The following SLIT3 variants were observed in gnomAD, a reference collection of about 807,000 sequenced individuals.
The protein encoded by SLIT3 is slit homolog 3 protein.
In SLIT3, 68 loss-of-function variants were observed where a neutral mutation model predicts 184.0. That is an observed-to-expected ratio of 0.37 (90% CI 0.30 to 0.45). SLIT3 has a LOEUF of 0.45. Among genes scored for constraint, SLIT3 ranks in the 20% least tolerant of loss-of-function variants. The pLI is 1.00. For synonymous variants in SLIT3, 831 were observed against 828.6 expected (o/e 1.00, Z -0.05); for missense variants, 1,707 against 2,026.0 (o/e 0.84, Z 3.02).
intron 4 of SLIT3, among the ~76,000 whole-genome samples, chr5:168,982,433 C>T (rs1037435727): frequency 6.6e-6 from 1 of 152,126 alleles, no homozygotes; most frequent in Non-Finnish European, 1.5e-5. Flanking sequence ...CAGATGCACC[C>T]CCTTGACCTT....
At chr5:169,065,624 C>T (rs527873111) in intron 4 of SLIT3, among the ~76,000 whole-genome samples, 2 of 152,290 alleles carry the variant, frequency 1.3e-5, no homozygotes, top group South Asian at 4.1e-4. Flanking sequence ...ATGTGAAGGC[C>T]CTGTCACCCT....
chr5:168,955,375 C>A (rs561646448), intron 4 of SLIT3, among the ~76,000 whole-genome samples: 1 of 152,264 alleles, frequency 6.6e-6, no homozygotes, highest in African/African-American at 2.4e-5. Context: ...CTCTAGGTTG[C>A]GAATATTAAT....
chr5:168,933,039 C>T (rs1762043551), intron 4 of SLIT3, among the ~76,000 whole-genome samples: 1 of 152,094 alleles, frequency 6.6e-6, no homozygotes, highest in African/African-American at 2.4e-5. Context: ...CAGAGGTGAA[C>T]AATATTCACT....
intron 4 of SLIT3, among the ~76,000 whole-genome samples, chr5:168,925,684 G>T (rs1761797456): frequency 6.6e-6 from 1 of 152,062 alleles, no homozygotes; most frequent in African/African-American, 2.4e-5. Flanking sequence ...AAAAAAAGAG[G>T]GGGAGGTGTT....
chr5:169,284,721 T>C (rs1167769515), intron 1 of SLIT3, among the ~76,000 whole-genome samples: 1 of 152,204 alleles, frequency 6.6e-6, no homozygotes, highest in East Asian at 1.9e-4. Context: ...GAGTGGAGTA[T>C]CCAGGTGCTT....
At chr5:169,013,822 C>T (rs932151955) in intron 4 of SLIT3, among the ~76,000 whole-genome samples, 1 of 152,180 alleles carries the variant, frequency 6.6e-6, no homozygotes, top group African/African-American at 2.4e-5. Flanking sequence ...TTCCTTCTTC[C>T]TCACATTGTC....
At chr5:169,030,712 A>C (rs1756997058) in intron 4 of SLIT3, among the ~76,000 whole-genome samples, 1 of 152,192 alleles carries the variant, frequency 6.6e-6, no homozygotes. Flanking sequence ...ACCTATTCAA[A>C]ATATTTTCAT....
chr5:168,828,842 T>C (rs1757789939), intron 6 of SLIT3, among the ~76,000 whole-genome samples: 1 of 152,108 alleles, frequency 6.6e-6, no homozygotes, highest in Non-Finnish European at 1.5e-5. Flanking sequence ...GGAAAACCAT[T>C]GAACTACGGA....
intron 27 of SLIT3, among the ~76,000 whole-genome samples, chr5:168,700,070 A>G (rs17553140): frequency 0.15 from 22,398 of 152,168 alleles, 2,281 homozygotes; most frequent in Non-Finnish European, 0.22. Flanking sequence ...GATAAATTGT[A>G]CTTCCCTTAC....
intron 6 of SLIT3, among the ~76,000 whole-genome samples, chr5:168,823,646 A>T (rs1757608961): frequency 6.6e-6 from 1 of 152,162 alleles, no homozygotes; most frequent in Non-Finnish European, 1.5e-5. Flanking sequence ...TCTAATTCTT[A>T]CATCTACAAT....
intron 31 of SLIT3, 141 bp downstream of exon 31, chr5:168,685,546 G>C (rs1191895182): frequency 9.3e-6 from 10 of 1,078,454 alleles, no homozygotes; most frequent in Non-Finnish European, 1.3e-5. Flanking sequence ...CTCTGGATGA[G>C]TTGGTCCAGA....
At chr5:169,191,201 G>A (rs1490039661) in intron 4 of SLIT3, among the ~76,000 whole-genome samples, 1 of 152,172 alleles carries the variant, frequency 6.6e-6, no homozygotes, top group Non-Finnish European at 1.5e-5. Context: ...AGCTCACCAA[G>A]GGCACTGTTT....
At chr5:168,775,696 T>C (rs1755721727) in intron 12 of SLIT3, among the ~76,000 whole-genome samples, 1 of 152,156 alleles carries the variant, frequency 6.6e-6, no homozygotes, top group Admixed American at 6.5e-5. Context: ...AATAACTCCA[T>C]ATGCAGCTTC....
At chr5:169,225,850 C>A (rs1481867843) in intron 3 of SLIT3, among the ~76,000 whole-genome samples, 1 of 152,164 alleles carries the variant, frequency 6.6e-6, no homozygotes. Flanking sequence ...TTTCTAAGAG[C>A]CAAGGGAAGC....
intron 1 of SLIT3, among the ~76,000 whole-genome samples, chr5:169,277,731 A>G (rs927021677): frequency 2.6e-5 from 4 of 152,344 alleles, no homozygotes; most frequent in South Asian, 2.1e-4. Context: ...GCACACAAGT[A>G]TCTGTTTGAG....
At chr5:168,693,001 A>G (rs1478605036) in intron 28 of SLIT3, among the ~76,000 whole-genome samples, 1 of 152,160 alleles carries the variant, frequency 6.6e-6, no homozygotes, top group Non-Finnish European at 1.5e-5. Context: ...TGCAGCTGAG[A>G]GCACAGGATG....
At chr5:169,299,884 C>G (rs1218127996) in intron 1 of SLIT3, among the ~76,000 whole-genome samples, 4 of 151,234 alleles carry the variant, frequency 2.6e-5, no homozygotes, top group African/African-American at 9.9e-5. Flanking sequence ...GCATTTATAA[C>G]CGAGCCATAA....
chr5:169,187,178 A>ATC (rs1198143397), intron 4 of SLIT3, among the ~76,000 whole-genome samples: 2 of 125,732 alleles, frequency 1.6e-5, no homozygotes, highest in East Asian at 5.1e-4. Flanking sequence ...CAGTGGCATG[A>ATC]TCTCAGCTTA....
intron 3 of SLIT3, among the ~76,000 whole-genome samples, chr5:169,201,842 A>G (rs997699650): frequency 6.6e-6 from 1 of 152,242 alleles, no homozygotes; most frequent in Non-Finnish European, 1.5e-5. Context: ...GCACAAACCT[A>G]GCTGCAAAGG....
Sources: allele counts gnomAD v4.1 joint callset (sites outside exome capture counted in the v4.1 genomes callset), GRCh38; gene constraint gnomAD v4.1.1; transcripts MANE v1.5; gene names NCBI Gene and HGNC (gene_info 2026-07-23, HGNC 2026-07-21).